Variants in IQSEC3 observed in about 807,000 individuals in gnomAD.
IQSEC3 encodes IQ motif and Sec7 domain ArfGEF 3, also known as IQ motif and SEC7 domain-containing protein 3.
In IQSEC3, 50 loss-of-function variants were observed where a neutral mutation model predicts 105.4. The observed-to-expected ratio is 0.47, with a 90% CI of 0.38 to 0.60. IQSEC3 has a LOEUF of 0.60. IQSEC3 is among the 20% of genes least tolerant of loss of function. The pLI is 0.00. For synonymous variants in IQSEC3, 708 were observed against 746.0 expected, an observed-to-expected ratio of 0.95 and a Z score of 0.83; for missense variants, 1,415 against 1,630.0, an observed-to-expected ratio of 0.87 and a Z score of 2.27.
At chr12:127,728 GT>G in intron 3 of IQSEC3, among the ~76,000 whole-genome samples, 1 of 152,236 alleles carries the variant, frequency 6.6e-6, no homozygotes, top group African/African-American at 2.4e-5. Flanking sequence ...GGGGTTGTTT[GT>G]TTTTTTCTTG....
chr12:85,306 C>T (rs1008713007), intron 1 of IQSEC3, among the ~76,000 whole-genome samples: 29 of 152,220 alleles, frequency 1.9e-4, no homozygotes, highest in Admixed American at 1.5e-3. Context: ...GGCTTTGATC[C>T]GTCCTTTCAA....
chr12:156,200 G>A (rs1338166734), intron 5 of IQSEC3, among the ~76,000 whole-genome samples: 1 of 152,132 alleles, frequency 6.6e-6, no homozygotes, highest in Admixed American at 6.5e-5. Context: ...GATGTTCACA[G>A]GCAAACCCCC....
Position 139,117 on chromosome 12 carries a change from G to C in IQSEC3, c.1754G>C (p.Arg585Thr). ...EEEEETAEVG[R>T]GAEAEAGDLE... ...GAGGAGGAGACGGCGGAGGTGGGGA[G>C]AGGGGCCGAGGCCGAGGCAGGCGAC... The change falls in exon 4 of 14, where the codon AGA becomes ACA. Residue 585 changes from arginine to threonine, a missense_variant. This residue lies in a region of IQSEC3 where 720 missense variants were observed against 633.0 expected (regional missense o/e 1.14). Coordinates refer to ENST00000538872, the MANE Select transcript of IQSEC3 (RefSeq NM_001170738.2). 2 of 1,512,074 alleles carry C rather than the reference G, an allele frequency of 1.3e-6. No individual in the cohort carries two copies. The highest frequency in any genetic ancestry group is 1.8e-6 in the Non-Finnish European group (2 of 1,128,310). The allele number at this position is 1,512,074 out of a possible 1,614,324, so 93.7% of individuals were successfully genotyped here. A position where few individuals can be genotyped will look rare whatever the true frequency, so the allele number is the denominator to read the frequency against.
chr12:141,387 C>G (rs781800343), intron 5 of IQSEC3, 102 bp downstream of exon 5: 17 of 1,196,838 alleles, frequency 1.4e-5, no homozygotes, highest in Non-Finnish European at 2.0e-5. Flanking sequence ...CCAGTTCTAA[C>G]AGCTTCCAGC....
rs1865369230 is a variant in IQSEC3 at position 125,733 on chromosome 12, C to G, written c.724C>G (p.Gln242Glu). 4.6e-6 allele frequency: 7 copies of G among 1,526,744 alleles called. No homozygotes were observed. The highest frequency in any genetic ancestry group is 6.1e-6 in the Non-Finnish European group (7 of 1,146,166). The allele number at this position is 1,526,744 out of a possible 1,614,324, so 94.6% of individuals were successfully genotyped here. A position where few individuals can be genotyped will look rare whatever the true frequency, so the allele number is the denominator to read the frequency against. Reference sequence around the variant, plus strand: ...ACCCAGTGCCCATGCCCCGAAGGCTCAAGCCCAGGAGCTGCAGGAGGAGGA... The same window carrying G: ...ACCCAGTGCCCATGCCCCGAAGGCTGAAGCCCAGGAGCTGCAGGAGGAGGA... ...GRPSAHAPKAQAQELQEEEER... is the reference protein window; with the variant it reads ...GRPSAHAPKAEAQELQEEEER... Residue 242 changes from glutamine to glutamate, a missense_variant, in exon 3 of 14, where the codon CAA becomes GAA. Physicochemically the swap from Gln to Glu is conservative, Grantham distance 29. This residue lies in a region of IQSEC3 where 720 missense variants were observed against 633.0 expected (regional missense o/e 1.14). Transcript: ENST00000538872.
At chr12:140,211 AG>A (rs1865961180) in intron 4 of IQSEC3, 1 of 152,226 alleles carries the variant, frequency 6.6e-6, no homozygotes, top group African/African-American at 2.4e-5. Context: ...CTCCTATTCT[AG>A]GGGAAGTAGC....
intron 2 of IQSEC3, among the ~76,000 whole-genome samples, chr12:102,259 C>G (rs1336812742): frequency 4.6e-5 from 7 of 152,174 alleles, no homozygotes; most frequent in African/African-American, 9.7e-5. Flanking sequence ...CTAGCTCAGC[C>G]AGTAGGAATC....
rs1555087720 is a variant in IQSEC3, at chr12:138,804, C to G, written c.1441C>G (p.Leu481Val). The G allele has an allele frequency of 1.9e-6, 3 of 1,608,676 alleles. No homozygotes were observed. The highest frequency in any genetic ancestry group is 2.2e-5 in the South Asian group (2 of 90,662). ...PGLPPAHSGT[L>V]MMAFRDVTVQ... ...CCTGCCCCCGGCCCACAGCGGGACC[C>G]TCATGATGGCTTTCCGGGACGTCAC... Residue 481 changes from leucine (L) to valine (V), a missense_variant, in exon 4 of 14, where the codon CTC (leucine) becomes GTC (valine). Physicochemically the swap from Leu to Val is conservative, Grantham distance 32. Transcript: ENST00000538872. This position sits in a 1 kb window ranked among gnomAD's most constrained non-coding sequence, Gnocchi z 7.1.
intron 3 of IQSEC3, among the ~76,000 whole-genome samples, chr12:135,594 C>T (rs1265141809): frequency 6.6e-6 from 1 of 152,154 alleles, no homozygotes; most frequent in African/African-American, 2.4e-5. Flanking sequence ...GATTAGGTTA[C>T]CAATTGGTTG....
chr12:89,407 TGAGAA>T (rs1555072850), intron 1 of IQSEC3, among the ~76,000 whole-genome samples: 1 of 152,078 alleles, frequency 6.6e-6, no homozygotes, highest in Non-Finnish European at 1.5e-5. Flanking sequence ...TAGCAAGAAA[TGAGAA>T]GGAAGAGGAA....
intron 3 of IQSEC3, among the ~76,000 whole-genome samples, chr12:133,657 A>G (rs1403798357): frequency 4.0e-4 from 56 of 141,338 alleles, no homozygotes; most frequent in South Asian, 9.2e-4. Flanking sequence ...GGTTCAGTGT[A>G]AAATAGGAAG....
chr12:108,385 GT>G (rs1864754623), intron 2 of IQSEC3, among the ~76,000 whole-genome samples: 1 of 152,166 alleles, frequency 6.6e-6, no homozygotes, highest in South Asian at 2.1e-4. Context: ...TAATTCACAG[GT>G]TTGGGCTGAG....
Position 73,297 on chromosome 12 carries a change from G to C in IQSEC3, c.554+5861G>C, listed in dbSNP as rs1863398309. Reference sequence around the variant, plus strand: ...CACTGTTTACTTTCTTTTAGCCTCTGTTTTTCCACTTATAAAATGGGGAAA... The same window carrying C: ...CACTGTTTACTTTCTTTTAGCCTCTCTTTTTCCACTTATAAAATGGGGAAA... On this transcript the variant is annotated intron_variant, in intron 1 of 13. Coordinates refer to ENST00000538872, the MANE Select transcript of IQSEC3 (RefSeq NM_001170738.2). Among the ~76,000 whole-genome samples the C allele has an allele frequency of 5.3e-5, 8 of 152,334 alleles. No individual in the cohort carries two copies. The South Asian group carries it at 1.7e-3, about 32-fold the overall frequency.
At chr12:99,268 A>C (rs1211593198) in intron 2 of IQSEC3, 54 bp downstream of exon 2, 1 of 1,519,596 alleles carries the variant, frequency 6.6e-7, no homozygotes, top group Non-Finnish European at 8.9e-7. Flanking sequence ...TTCCTGTTAC[A>C]ACAAAGCACG....
intron 12 of IQSEC3, 90 bp from the exon 13 acceptor site, chr12:171,022 T>C: frequency 6.6e-7 from 1 of 1,524,528 alleles, no homozygotes; most frequent in Non-Finnish European, 9.1e-7. Context: ...CCCCAAGTCT[T>C]AGCTGCAGAG....
intron 2 of IQSEC3, among the ~76,000 whole-genome samples, chr12:112,343 A>C (rs2136946279): frequency 6.6e-6 from 1 of 152,218 alleles, no homozygotes; most frequent in East Asian, 1.9e-4. Context: ...AGAAGCAGGC[A>C]TCAGCTATCC....
At chr12:97,868 T>C (rs1439293473) in intron 1 of IQSEC3, among the ~76,000 whole-genome samples, 1 of 152,164 alleles carries the variant, frequency 6.6e-6, no homozygotes, top group Non-Finnish European at 1.5e-5. Flanking sequence ...AATTCAGCAC[T>C]TCCTGTCTAC....
intron 1 of IQSEC3, among the ~76,000 whole-genome samples, chr12:79,773 G>A (rs1308662036): frequency 6.6e-6 from 1 of 152,114 alleles, no homozygotes; most frequent in Non-Finnish European, 1.5e-5. Context: ...ACAGTGAAAA[G>A]CATCGCCCCC....
chr12:123,015 G>A (rs1040257818), intron 2 of IQSEC3, among the ~76,000 whole-genome samples: 3 of 152,152 alleles, frequency 2.0e-5, no homozygotes, highest in Non-Finnish European at 2.9e-5. Flanking sequence ...CTATTTCCAC[G>A]TGCTCCAGGG....
Sources: allele counts gnomAD v4.1 joint callset (sites outside exome capture counted in the v4.1 genomes callset), GRCh38; gene constraint gnomAD v4.1.1; regional missense constraint gnomAD v4.1.1; non-coding constraint Gnocchi (gnomAD v3.1); transcripts MANE v1.5; gene names NCBI Gene and HGNC (gene_info 2026-07-23, HGNC 2026-07-21).